Variants in FNTA observed in about 807,000 individuals in gnomAD.
The protein encoded by FNTA is farnesyltransferase, CAAX box, subunit alpha.
A neutral mutation model predicts 55.2 loss-of-function variants in FNTA; 27 were observed. That is an observed-to-expected ratio of 0.49 (90% CI 0.36 to 0.67). The LOEUF (loss-of-function observed/expected upper bound fraction) is 0.67. FNTA is among the 30% of genes least tolerant of loss of function. The pLI is 0.00. For missense variants in FNTA, 422 were observed against 464.7 expected (o/e 0.91, Z 0.85); for synonymous variants, 176 against 170.7 (o/e 1.03, Z -0.24).
chr8:43,074,550 T>C (rs1310653022), intron 5 of FNTA, among the ~76,000 whole-genome samples: 2 of 150,362 alleles, frequency 1.3e-5, no homozygotes, highest in African/African-American at 4.9e-5. Context: ...AAAAGTGAAA[T>C]ACACACACAC....
chr8:43,080,450 A>T (rs529514508), intron 6 of FNTA: 2 of 152,310 alleles, frequency 1.3e-5, no homozygotes, highest in East Asian at 3.9e-4. Context: ...AGGTATGTAC[A>T]TTGTTTTTTT....
intron 5 of FNTA, among the ~76,000 whole-genome samples, chr8:43,074,655 G>A (rs1052016268): frequency 2.6e-5 from 4 of 152,144 alleles, no homozygotes; most frequent in Non-Finnish European, 5.9e-5. Flanking sequence ...TAGTGGAAGG[G>A]GAAGTCTCAG....
At chr8:43,069,852 C>T (rs1246600313) in intron 4 of FNTA, among the ~76,000 whole-genome samples, 193 bp downstream of exon 4, 1 of 150,940 alleles carries the variant, frequency 6.6e-6, no homozygotes, top group Non-Finnish European at 1.5e-5. Context: ...CCATGTTGGC[C>T]AGGCTGGTCT....
chr8:43,069,798 C>A, intron 4 of FNTA, 139 bp downstream of exon 4: 1 of 597,978 alleles, frequency 1.7e-6, no homozygotes, highest in Non-Finnish European at 3.0e-6. Context: ...GTGCACGCAA[C>A]CACACCTGGC....
intron 3 of FNTA, among the ~76,000 whole-genome samples, chr8:43,064,578 GTGTT>G (rs1194472767): frequency 6.6e-6 from 1 of 152,112 alleles, no homozygotes; most frequent in African/African-American, 2.4e-5. Flanking sequence ...GCCTCCTAAA[GTGTT>G]TGGATTGCAG....
intron 5 of FNTA, among the ~76,000 whole-genome samples, chr8:43,074,946 C>T (rs552326304): frequency 8.7e-4 from 133 of 152,214 alleles, no homozygotes; most frequent in South Asian, 2.5e-3. Flanking sequence ...ATAAGGTGAG[C>T]GGTTCCATTA....
At chr8:43,060,046 T>G (rs915005887) in intron 2 of FNTA, among the ~76,000 whole-genome samples, 1 of 152,220 alleles carries the variant, frequency 6.6e-6, no homozygotes, top group Non-Finnish European at 1.5e-5. Flanking sequence ...AACAGTTGGC[T>G]GTGCACTTAG....
chr8:43,063,877 G>A (rs561695514), intron 2 of FNTA, among the ~76,000 whole-genome samples: 5 of 152,328 alleles, frequency 3.3e-5, no homozygotes, highest in African/African-American at 1.2e-4. Context: ...ATGCACACAC[G>A]TAAGCAGTAA....
chr8:43,066,409 A>G lies in FNTA; in HGVS notation c.401+2194A>G, dbSNP rs544256551. Among the ~76,000 whole-genome samples the G allele has an allele frequency of 4.0e-5, 6 of 150,694 alleles. 1 individual carries two copies. The highest frequency in any genetic ancestry group is 1.2e-4 in the African/African-American group (5 of 40,248). The stretch of plus-strand genomic sequence containing the variant: ...GTAGCTGGGACTACGGACGCCTGCC[A>G]CCACTCCCAGCTAATTTTTTTGTAT... On this transcript the variant is annotated intron_variant, in intron 3 of 8. Transcript: ENST00000302279.
At chr8:43,081,069 C>G (rs1449977181) in intron 6 of FNTA, 1 of 151,890 alleles carries the variant, frequency 6.6e-6, no homozygotes, top group Non-Finnish European at 1.5e-5. Context: ...TTTTTTTTAA[C>G]TCTAAGCATA....
At position 43,069,664 on chromosome 8, in the gene FNTA, GTT is replaced by G; in HGVS notation, c.506+7_506+8del. Reference sequence around the variant, plus strand: ...GCCCAAAAACTATCAAGTTTGGTAAGTTTGGAGTCTAGCTGTGTCTCCCAGGC... The same window carrying G: ...GCCCAAAAACTATCAAGTTTGGTAAGTGGAGTCTAGCTGTGTCTCCCAGGC... On this transcript the variant is annotated splice_donor_region_variant and intron_variant, in intron 4 of 8. Coordinates refer to ENST00000302279, the MANE Select transcript of FNTA (RefSeq NM_002027.3). 1.3e-6 allele frequency: 2 copies of G among 1,585,822 alleles called. No homozygotes were observed. The highest frequency in any genetic ancestry group is 1.7e-6 in the Non-Finnish European group (2 of 1,155,286).
intron 5 of FNTA, among the ~76,000 whole-genome samples, chr8:43,075,132 A>G (rs2130563735): frequency 6.6e-6 from 1 of 152,320 alleles, no homozygotes; most frequent in East Asian, 1.9e-4. Context: ...GTTTTTCATT[A>G]TTAGACTCTA....
chr8:43,069,329 A>G (rs918193441), intron 3 of FNTA, among the ~76,000 whole-genome samples: 7 of 152,016 alleles, frequency 4.6e-5, no homozygotes, highest in African/African-American at 1.7e-4. Flanking sequence ...CACGTTGGCA[A>G]GGCTGGTCTC....
At chr8:43,059,612 G>A (rs1365683219) in intron 2 of FNTA, among the ~76,000 whole-genome samples, 1 of 152,170 alleles carries the variant, frequency 6.6e-6, no homozygotes, top group African/African-American at 2.4e-5. Flanking sequence ...ATATTAAAAT[G>A]AGTGGATTTT....
At chr8:43,063,615 A>T (rs1184447092) in intron 2 of FNTA, among the ~76,000 whole-genome samples, 3 of 152,146 alleles carry the variant, frequency 2.0e-5, no homozygotes, top group Non-Finnish European at 1.5e-5. Flanking sequence ...CATAGACTAT[A>T]TTTGGAAGGA....
At chr8:43,085,093 T>C in intron 8 of FNTA, 67 bp from the exon 9 acceptor site, 2 of 1,337,814 alleles carry the variant, frequency 1.5e-6, no homozygotes, top group South Asian at 2.8e-5. Flanking sequence ...TAAATTGTAT[T>C]GGCTCAAAGG....
intron 2 of FNTA, among the ~76,000 whole-genome samples, chr8:43,063,825 A>G (rs1810591114): frequency 6.6e-6 from 1 of 152,216 alleles, no homozygotes; most frequent in South Asian, 2.1e-4. Context: ...TTTTTCTTTT[A>G]TACATAAGGC....
In FNTA at chr8:43,059,016, G is replaced by A. The variant is rs1810474188; in HGVS notation, c.201-76G>A. 3 of 1,059,016 alleles carry A rather than the reference G, an allele frequency of 2.8e-6. No homozygotes were observed. In the Admixed American group the frequency reaches 6.4e-5, roughly 23 times the overall value. 65.6% of individuals were successfully genotyped at this position (1,059,016 alleles called of 1,614,324 possible). A position where few individuals can be genotyped will look rare whatever the true frequency, so the allele number is the denominator to read the frequency against. ...TAATATCAATGTAACTGTAATTATT[G>A]TCATTTTAAAAACACTAGAGTCCCT... is the stretch of plus-strand genomic sequence containing the variant. On this transcript the variant is annotated intron_variant, in intron 1 of 8. Transcript: ENST00000302279.
At chr8:43,065,861 A>G (rs1402638561) in intron 3 of FNTA, among the ~76,000 whole-genome samples, 2 of 151,542 alleles carry the variant, frequency 1.3e-5, no homozygotes, top group African/African-American at 4.9e-5. Context: ...GATTTATACA[A>G]TTAAAAATCA....
Sources: gnomAD v4.1 joint callset for allele counts (sites outside exome capture counted in the v4.1 genomes callset) on GRCh38, gnomAD v4.1.1 for gene constraint, MANE v1.5 for transcripts, NCBI Gene and HGNC (gene_info 2026-07-23, HGNC 2026-07-21) for gene names.